CZIB: variants seen among roughly 807,000 people sequenced by gnomAD.
CZIB encodes UPF0587 protein C1orf123.
CZIB carries 26 observed loss-of-function variants against 28.3 expected under a neutral mutation model. The ratio of observed to expected loss-of-function variants is 0.92; its 90% CI spans 0.67 to 1.27. CZIB has a LOEUF of 1.27. Among genes scored for constraint, CZIB ranks in the 50% most tolerant of loss-of-function variants. The pLI, the probability that CZIB is intolerant of heterozygous loss-of-function variation, is 0.00. For synonymous variants in CZIB, 78 were observed against 71.1 expected, an observed-to-expected ratio of 1.10 and a Z score of -0.49; for missense variants, 179 against 197.3, an observed-to-expected ratio of 0.91 and a Z score of 0.56.
rs548204260 is a variant in CZIB, at chr1:53,219,149, G to C, written c.91-226C>G. The C allele has an allele frequency of 2.3e-4, 129 of 551,188 alleles. No homozygotes were observed. In the South Asian group the frequency reaches 2.8e-3, roughly 12 times the overall value. The allele number at this position is 551,188 out of a possible 1,614,324, so 34.1% of individuals were successfully genotyped here. A position where few individuals can be genotyped will look rare whatever the true frequency, so the allele number is the denominator to read the frequency against. ...GCGTGCCCACCCTCCTCTATGAAGT[G>C]CTCAGTGTGGCCGGGGATTCAAGGC... is the stretch of plus-strand genomic sequence containing the variant. On this transcript the variant is annotated intron_variant, in intron 2 of 7. Coordinates refer to ENST00000294360, the MANE Select transcript of CZIB (RefSeq NM_017887.3).
chr1:53,218,809 C>T (rs1645491210), intron 3 of CZIB, 58 bp downstream of exon 3: 8 of 1,518,548 alleles, frequency 5.3e-6, no homozygotes, highest in Non-Finnish European at 7.3e-6. Flanking sequence ...AATCCCTGCC[C>T]AGAAGTGTAT....
At chr1:53,219,484 A>C (rs969927223) in intron 2 of CZIB, 2 of 154,016 alleles carry the variant, frequency 1.3e-5, no homozygotes, top group African/African-American at 4.8e-5. Context: ...TTAAGAAAAA[A>C]AAAGAGAAAT....
chr1:53,220,536 C>T (rs1235450773), intron 1 of CZIB, 34 bp downstream of exon 1: 1 of 1,600,314 alleles, frequency 6.2e-7, no homozygotes. Context: ...GCCACCTCCC[C>T]TCCGTGTCCC....
chr1:53,214,436 G>T lies in CZIB; in HGVS notation c.*223C>A, dbSNP rs979993634. The T allele has an allele frequency of 8.0e-6, 4 of 497,784 alleles. No individual in the cohort carries two copies. Among genetic ancestry groups the T allele is most frequent in the African/African-American group, 3.8e-5 (2 of 52,490 alleles). The allele number at this position is 497,784 out of a possible 1,614,324, so 30.8% of individuals were successfully genotyped here. ...GCTGCACGAATTCTTATTTGTGGAG[G>T]GAGTAGCTGCCTCCTTACTTCACCT... On this transcript the variant is annotated 3_prime_UTR_variant, in exon 8 of 8. Transcript: ENST00000294360.
At chr1:53,216,895 T>C (rs746351862) in intron 5 of CZIB, 36 bp from the exon 6 acceptor site, 1 of 1,577,332 alleles carries the variant, frequency 6.3e-7, no homozygotes, top group Non-Finnish European at 8.7e-7. Context: ...CAGGCCCAAA[T>C]GAGCTCTCAG....
Position 53,214,344 on chromosome 1 carries a change from T to A in CZIB, c.*315A>T, listed in dbSNP as rs1220712452. 1 of 287,586 alleles carries A rather than the reference T, an allele frequency of 3.5e-6. No individual in the cohort carries two copies. Among genetic ancestry groups the A allele is most frequent in the East Asian group, 6.5e-5 (1 of 15,390 alleles). 17.8% of individuals were successfully genotyped at this position (287,586 alleles called of 1,614,324 possible). On this transcript the variant is annotated 3_prime_UTR_variant, in exon 8 of 8. Coordinates refer to ENST00000294360, the MANE Select transcript of CZIB (RefSeq NM_017887.3). The stretch of plus-strand genomic sequence containing the variant: ...GGATCGCGGTTTCATCTCTGTAAAC[T>A]TGCCCTTGACTGGGGAGATACCATC...
Position 53,214,729 on chromosome 1 carries a change from G to C in CZIB, c.413C>G (p.Thr138Ser), listed in dbSNP as rs750763531. 7 of 1,613,708 alleles carry C rather than the reference G, an allele frequency of 4.3e-6. No individual in the cohort carries two copies. In the Admixed American group the frequency reaches 6.7e-5, roughly 15 times the overall value. Residue 138 changes from threonine to serine, a missense_variant, in exon 8 of 8, where the codon ACT becomes AGT. Transcript: ENST00000294360. Reference sequence around the variant, plus strand: ...CTCCTGGGCCTTTTCATCATAGTCAGTCCAGTCCTGGGAAACAAAATGGCA... The same window carrying C: ...CTCCTGGGCCTTTTCATCATAGTCACTCCAGTCCTGGGAAACAAAATGGCA... ...SDINLQEKDW[T>S]DYDEKAQESV...
intron 4 of CZIB, 68 bp from the exon 5 acceptor site, chr1:53,218,271 G>A: frequency 6.3e-7 from 1 of 1,593,082 alleles, no homozygotes; most frequent in African/African-American, 1.3e-5. Flanking sequence ...GTGCCCACAT[G>A]TGGCCCTGAA....
rs749495151 is a variant in CZIB, at chr1:53,220,339, G to A, written c.12C>T (p.Ile4=). 1.9e-6 allele frequency: 3 copies of A among 1,612,682 alleles called. No individual in the cohort carries two copies. Among genetic ancestry groups the A allele is most frequent in the Non-Finnish European group, 1.7e-6 (2 of 1,179,898 alleles). MGK[I]ALQLKATLEN... ...CCAGCGTGGCTTTGAGTTGCAGCGC[G>A]ATTTTCTGAGGGGGAGGGCCAGAGC... The change falls in exon 2 of 8, where the codon ATC becomes ATT. Residue 4 remains isoleucine, a synonymous_variant. Coordinates refer to ENST00000294360, the MANE Select transcript of CZIB (RefSeq NM_017887.3).
intron 2 of CZIB, chr1:53,219,843 T>A (rs558249950): frequency 3.6e-4 from 63 of 176,496 alleles, no homozygotes; most frequent in African/African-American, 1.4e-3. Context: ...GAGGCCTCTG[T>A]AGACCATGCC....
chr1:53,219,241 T>C lies in CZIB; in HGVS notation c.91-318A>G, dbSNP rs75122397. On this transcript the variant is annotated intron_variant, in intron 2 of 7. Transcript: ENST00000294360. ...GAATATGGAGAGATTTGTTAGAAGA[T>C]ACAAAATTACAGCTATATGGGAGGA... 7.2e-3 allele frequency: 2,619 copies of C among 361,840 alleles called. 72 individuals are homozygous for C. Among genetic ancestry groups the C allele is most frequent in the African/African-American group, 0.051 (2,440 of 47,566 alleles). The allele number at this position is 361,840 out of a possible 1,614,324, so 22.4% of individuals were successfully genotyped here. A position where few individuals can be genotyped will look rare whatever the true frequency, so the allele number is the denominator to read the frequency against.
rs900191216 is a variant in CZIB at position 53,214,515 on chromosome 1, G to T, written c.*144C>A. The stretch of plus-strand genomic sequence containing the variant: ...CTTTATTGATGGGGCTTGGGAAGCT[G>T]TAATAAAGTCCAGCATGCAGATTGT... On this transcript the variant is annotated 3_prime_UTR_variant, in exon 8 of 8. Coordinates refer to ENST00000294360, the MANE Select transcript of CZIB (RefSeq NM_017887.3). 2 of 660,026 alleles carry T rather than the reference G, an allele frequency of 3.0e-6. No homozygotes were observed. The allele number at this position is 660,026 out of a possible 1,614,324, so 40.9% of individuals were successfully genotyped here.
Position 53,216,788 on chromosome 1 carries a change from C to G in CZIB, c.333G>C (p.Gln111His). The G allele has an allele frequency of 6.2e-7, 1 of 1,614,056 alleles. No individual in the cohort carries two copies. The highest frequency in any genetic ancestry group is 8.5e-7 in the Non-Finnish European group (1 of 1,179,904). ...CAGAAAGATACACACACACCTGCGG[C>G]TGGAAATCAACTGGTTCAAGGCCCC... ...ECRGLEPVDF[Q>H]PQAGFAAEGV... Residue 111 changes from glutamine (Q) to histidine (H), a missense_variant, in exon 6 of 8, where the codon CAG becomes CAC. Transcript: ENST00000294360.
At chr1:53,219,161 C>A (rs937109740) in intron 2 of CZIB, 1 of 510,178 alleles carries the variant, frequency 2.0e-6, no homozygotes, top group Non-Finnish European at 3.5e-6. Flanking sequence ...TCAGTGTGGC[C>A]GGGGATTCAA....
chr1:53,218,189 T>G lies in CZIB; in HGVS notation c.244A>C (p.Thr82Pro), dbSNP rs1645486041. The G allele has an allele frequency of 6.2e-7, 1 of 1,614,020 alleles. No homozygotes were observed. Among genetic ancestry groups the G allele is most frequent in the Non-Finnish European group, 8.5e-7 (1 of 1,180,004 alleles). Residue 82 changes from threonine (T) to proline (P), a missense_variant, in exon 5 of 8, where the codon ACC becomes CCC. Physicochemically the swap from Thr to Pro is conservative, Grantham distance 38 (BLOSUM62 -1). Coordinates refer to ENST00000294360, the MANE Select transcript of CZIB (RefSeq NM_017887.3). ...AAACTTACATTGTAAGGCTTGATGG[T>G]GCTGCTTAAAATCTCTGAAATAGAA... ...RENSIEILSSTIKPYNAEDNE... is the reference protein window; with the variant it reads ...RENSIEILSSPIKPYNAEDNE...
At chr1:53,218,825 T>G in intron 3 of CZIB, 42 bp downstream of exon 3, 10 of 1,540,616 alleles carry the variant, frequency 6.5e-6, no homozygotes, top group Non-Finnish European at 8.1e-6. Flanking sequence ...TGTATGTGTG[T>G]TTGTGAGTGT....
At chr1:53,216,444 G>C (rs774740107) in intron 6 of CZIB, among the ~76,000 whole-genome samples, 3 of 152,188 alleles carry the variant, frequency 2.0e-5, no homozygotes, top group Admixed American at 6.5e-5. Flanking sequence ...AATAAAGGGG[G>C]ATGAGCACCA....
intron 5 of CZIB, chr1:53,217,128 C>A: frequency 2.5e-6 from 1 of 394,720 alleles, no homozygotes; most frequent in Non-Finnish European, 4.7e-6. Context: ...CTATCTTCCC[C>A]TCTGGGCCCA....
intron 5 of CZIB, chr1:53,217,929 T>C: frequency 1.9e-6 from 1 of 533,866 alleles, no homozygotes; most frequent in South Asian, 2.5e-5. Context: ...ACTGAACAGC[T>C]AGGTTGTGTC....
Sources: allele counts gnomAD v4.1 joint callset (sites outside exome capture counted in the v4.1 genomes callset), GRCh38; gene constraint gnomAD v4.1.1; transcripts MANE v1.5; gene names NCBI Gene and HGNC (gene_info 2026-07-23, HGNC 2026-07-21).